EYS: variants seen among roughly 807,000 people sequenced by gnomAD.
EYS encodes the protein EGF-like photoreceptor maintenance factor, also known as protein eyes shut homolog.
Under a neutral mutation model 282.1 loss-of-function variants are expected in EYS, and 250 were observed. The ratio of observed to expected loss-of-function variants is 0.89; its 90% CI spans 0.80 to 0.98. The LOEUF is 0.98. Among genes scored for constraint, EYS ranks in the 50% least tolerant of loss-of-function variants. The pLI, the probability that EYS is intolerant of heterozygous loss-of-function variation, is 0.00. For missense variants in EYS, 4,016 were observed against 3,709.0 expected, an observed-to-expected ratio of 1.08 and a Z score of -2.15; for synonymous variants, 1,355 against 1,282.9, an observed-to-expected ratio of 1.06 and a Z score of -1.20.
At chr6:63,854,632 TA>T (rs1176664476) in intron 36 of EYS, among the ~76,000 whole-genome samples, 1 of 152,078 alleles carries the variant, frequency 6.6e-6, no homozygotes, top group African/African-American at 2.4e-5. Context: ...ATAATTACAA[TA>T]AAAAAGCCAC....
intron 35 of EYS, among the ~76,000 whole-genome samples, chr6:63,869,766 A>T (rs1772756767): frequency 6.6e-6 from 1 of 152,206 alleles, no homozygotes; most frequent in African/African-American, 2.4e-5. Flanking sequence ...ATGGTGGAAT[A>T]AGACAAATAT....
At chr6:64,693,543 G>A (rs1261592411) in intron 22 of EYS, among the ~76,000 whole-genome samples, 2 of 152,112 alleles carry the variant, frequency 1.3e-5, no homozygotes, top group Admixed American at 1.3e-4. Context: ...AATAGTGAAT[G>A]TAAAGGCTTG....
chr6:64,478,302 C>A (rs922528694), intron 26 of EYS, among the ~76,000 whole-genome samples: 7 of 151,736 alleles, frequency 4.6e-5, no homozygotes, highest in African/African-American at 1.7e-4. Context: ...ATTTTAGGGG[C>A]TAGAACTGTG....
At chr6:64,460,883 C>T (rs908815685) in intron 26 of EYS, among the ~76,000 whole-genome samples, 2 of 152,018 alleles carry the variant, frequency 1.3e-5, no homozygotes, top group Non-Finnish European at 2.9e-5. Flanking sequence ...GCACTGATTT[C>T]TACTATTTAC....
At chr6:64,369,813 T>G (rs1772300679) in intron 29 of EYS, among the ~76,000 whole-genome samples, 1 of 152,116 alleles carries the variant, frequency 6.6e-6, no homozygotes, top group African/African-American at 2.4e-5. Flanking sequence ...ATTGCATTCT[T>G]GATTTGGATT....
intron 12 of EYS, among the ~76,000 whole-genome samples, chr6:65,091,938 G>A (rs1774586912): frequency 6.6e-6 from 1 of 152,040 alleles, no homozygotes; most frequent in Non-Finnish European, 1.5e-5. Context: ...TCCCTCGAGT[G>A]TTTTTCAGCT....
intron 2 of EYS, among the ~76,000 whole-genome samples, chr6:65,601,059 ATTAT>A (rs1765601678): frequency 6.6e-6 from 1 of 151,996 alleles, no homozygotes; most frequent in Non-Finnish European, 1.5e-5. Flanking sequence ...CACGTTGCTT[ATTAT>A]GAATACTAAA....
intron 35 of EYS, among the ~76,000 whole-genome samples, chr6:63,966,970 C>T (rs1157776242): frequency 2.0e-5 from 3 of 152,040 alleles, no homozygotes; most frequent in Admixed American, 6.6e-5. Flanking sequence ...ATATATTTTC[C>T]TTTTGGTACA....
intron 5 of EYS, among the ~76,000 whole-genome samples, chr6:65,481,917 G>C (rs1402829055): frequency 6.6e-6 from 1 of 152,024 alleles, no homozygotes; most frequent in Non-Finnish European, 1.5e-5. Context: ...TGGAAATAAT[G>C]TTTTGCCAAT....
chr6:64,442,706 T>G (rs1774990670), intron 26 of EYS, among the ~76,000 whole-genome samples: 1 of 152,198 alleles, frequency 6.6e-6, no homozygotes, highest in Non-Finnish European at 1.5e-5. Flanking sequence ...AGCCATTGCT[T>G]CAGAGGGTGG....
chr6:64,940,498 T>C (rs1769053760), intron 15 of EYS, among the ~76,000 whole-genome samples: 1 of 152,048 alleles, frequency 6.6e-6, no homozygotes, highest in Non-Finnish European at 1.5e-5. Flanking sequence ...ACAATTAATA[T>C]TATGTTTTTA....
intron 12 of EYS, among the ~76,000 whole-genome samples, chr6:65,094,191 C>A (rs1335570274): frequency 6.7e-6 from 1 of 150,158 alleles, no homozygotes; most frequent in Non-Finnish European, 1.5e-5. Flanking sequence ...TATAGGCACC[C>A]AACATCAGAG....
At chr6:64,135,018 G>A (rs1209116523) in intron 31 of EYS, among the ~76,000 whole-genome samples, 1 of 152,080 alleles carries the variant, frequency 6.6e-6, no homozygotes, top group Non-Finnish European at 1.5e-5. Context: ...AAGACAATAT[G>A]CGTATCCAGG....
chr6:65,040,294 T>C lies in EYS; in HGVS notation c.2137+17320A>G, dbSNP rs533156691. Among the ~76,000 whole-genome samples the C allele has an allele frequency of 2.6e-5, 4 of 151,840 alleles. No homozygotes were observed. In the East Asian group the frequency reaches 7.8e-4, roughly 30 times the overall value. ...CTTCTGACAACTATGAGAGAGAATC[T>C]CTTCCATGTTCCTCCCATGTTTTCC... On this transcript the variant is annotated intron_variant, in intron 13 of 42. Coordinates refer to ENST00000503581, the MANE Select transcript of EYS (RefSeq NM_001142800.2).
chr6:64,703,159 T>A (rs574297165), intron 22 of EYS, among the ~76,000 whole-genome samples: 113 of 151,940 alleles, frequency 7.4e-4, no homozygotes, highest in Non-Finnish European at 1.2e-3. Flanking sequence ...CCTGATTAAC[T>A]CTATTACTCA....
intron 26 of EYS, 122 bp downstream of exon 26, chr6:64,590,100 TG>T: frequency 1.3e-6 from 1 of 792,352 alleles, no homozygotes; most frequent in Non-Finnish European, 2.0e-6. Flanking sequence ...TCAATTGAAC[TG>T]GCTGCTGCCC....
intron 31 of EYS, among the ~76,000 whole-genome samples, chr6:64,108,874 G>A (rs894399339): frequency 6.6e-6 from 1 of 152,046 alleles, no homozygotes; most frequent in Non-Finnish European, 1.5e-5. Context: ...TTTGGTGAGA[G>A]CTAAATATGA....
chr6:64,970,874 A>C (rs1294259216), intron 14 of EYS, among the ~76,000 whole-genome samples: 1 of 152,162 alleles, frequency 6.6e-6, no homozygotes, highest in Non-Finnish European at 1.5e-5. Context: ...AACCATTGTG[A>C]TAAAGAAAAG....
intron 11 of EYS, among the ~76,000 whole-genome samples, chr6:65,323,020 C>T (rs1388503407): frequency 6.6e-6 from 1 of 151,624 alleles, no homozygotes; most frequent in Non-Finnish European, 1.5e-5. Context: ...ATAATTTTAA[C>T]ATACTTATTT....
Sources: gnomAD v4.1 joint callset for allele counts (sites outside exome capture counted in the v4.1 genomes callset) on GRCh38, gnomAD v4.1.1 for gene constraint, MANE v1.5 for transcripts, NCBI Gene and HGNC (gene_info 2026-07-23, HGNC 2026-07-21) for gene names.